Variants in SLCO3A1 observed in about 807,000 individuals in gnomAD.
SLCO3A1 encodes the protein solute carrier organic anion transporter family member 3A1, also known as PGE1 transporter.
Under a neutral mutation model 63.1 loss-of-function variants are expected in SLCO3A1, and 27 were observed. The observed-to-expected ratio is 0.43, with a 90% CI of 0.32 to 0.59. The LOEUF is 0.59. SLCO3A1 is among the 20% of genes least tolerant of loss of function. SLCO3A1 has a pLI of 0.09. For missense variants in SLCO3A1, 773 were observed against 945.8 expected (o/e 0.82, Z 2.40); for synonymous variants, 473 against 409.9 (o/e 1.15, Z -1.86).
chr15:91,869,560 C>T (rs1009545112), intron 1 of SLCO3A1, among the ~76,000 whole-genome samples: 45 of 151,014 alleles, frequency 3.0e-4, no homozygotes, highest in African/African-American at 1.0e-3. Flanking sequence ...GGGTGTGGTG[C>T]TGCATGCCAC....
intron 2 of SLCO3A1, among the ~76,000 whole-genome samples, chr15:91,995,522 C>T (rs929177939): frequency 5.3e-5 from 8 of 152,026 alleles, no homozygotes; most frequent in African/African-American, 1.4e-4. Flanking sequence ...TTAGTGATAA[C>T]TTTGGACTAA....
chr15:91,971,333 T>G lies in SLCO3A1; in HGVS notation c.646+54875T>G, dbSNP rs535135698. Reference sequence around the variant, plus strand: ...TGGGGTGAACCCGGGAGGCGGAGCTTGCAGTGAGCCGAGGTCGTGCCACTG... The same window carrying G: ...TGGGGTGAACCCGGGAGGCGGAGCTGGCAGTGAGCCGAGGTCGTGCCACTG... On this transcript the variant is annotated intron_variant, in intron 2 of 9. Transcript: ENST00000318445. Among the ~76,000 whole-genome samples, 4 of 133,552 alleles carry G rather than the reference T, an allele frequency of 3.0e-5. No individual in the cohort carries two copies. In the South Asian group the frequency reaches 9.8e-4, roughly 33 times the overall value. The allele number at this position is 133,552 out of a possible 152,430, so 87.6% of individuals were successfully genotyped here. A position where few individuals can be genotyped will look rare whatever the true frequency, so the allele number is the denominator to read the frequency against.
At chr15:92,014,975 C>T (rs897401708) in intron 2 of SLCO3A1, among the ~76,000 whole-genome samples, 4 of 152,114 alleles carry the variant, frequency 2.6e-5, no homozygotes, top group African/African-American at 4.8e-5. Context: ...TTTGCAGTCC[C>T]CCAAAAGGCT....
intron 2 of SLCO3A1, among the ~76,000 whole-genome samples, chr15:91,979,707 A>G (rs778959903): frequency 2.0e-5 from 3 of 152,262 alleles, no homozygotes; most frequent in Non-Finnish European, 4.4e-5. Context: ...CTCTAAAACC[A>G]GAGATAATAA....
Position 91,862,756 on chromosome 15 carries a change from A to C in SLCO3A1, c.180+8668A>C, listed in dbSNP as rs1897078395. 2.0e-5 allele frequency among the ~76,000 whole-genome samples: 3 copies of C among 152,228 alleles called. No individual in the cohort carries two copies. Among genetic ancestry groups the C allele is most frequent in the Non-Finnish European group, 4.4e-5 (3 of 68,038 alleles). On this transcript the variant is annotated intron_variant, in intron 1 of 9. Transcript: ENST00000318445. The surrounding 1 kb of genome is among the most constrained non-coding windows in gnomAD (Gnocchi z 4.0). ...CTGCTCACAAAACTACAGGAATTTG[A>C]GGGAGTTAGAAGTGATTATTTTTAC...
chr15:91,869,379 T>TA (rs1897239961), intron 1 of SLCO3A1, among the ~76,000 whole-genome samples: 4 of 151,652 alleles, frequency 2.6e-5, no homozygotes, highest in Admixed American at 6.6e-5. Context: ...GTACTAAAAA[T>TA]AAAAAAATTA....
intron 2 of SLCO3A1, among the ~76,000 whole-genome samples, chr15:92,029,497 A>G (rs2046619253): frequency 6.6e-6 from 1 of 152,242 alleles, no homozygotes; most frequent in Non-Finnish European, 1.5e-5. Flanking sequence ...GCCTGGGCAA[A>G]GACTCATGTG....
At chr15:92,121,170 A>T (rs891938728) in intron 5 of SLCO3A1, among the ~76,000 whole-genome samples, 1 of 152,244 alleles carries the variant, frequency 6.6e-6, no homozygotes. Context: ...TTCAGAGTTG[A>T]CATACTAAAG....
intron 5 of SLCO3A1, among the ~76,000 whole-genome samples, chr15:92,125,531 ACT>A (rs1002880112): frequency 1.8e-4 from 28 of 151,674 alleles, no homozygotes; most frequent in African/African-American, 6.8e-4. Flanking sequence ...TGGTTCAAAC[ACT>A]CTCTCTATGG....
chr15:91,971,752 T>C (rs78857622), intron 2 of SLCO3A1, among the ~76,000 whole-genome samples: 6,432 of 152,246 alleles, frequency 0.042, 316 homozygotes, highest in African/African-American at 0.11. Flanking sequence ...GATGAGTTGA[T>C]GAAAATGTTG....
intron 2 of SLCO3A1, among the ~76,000 whole-genome samples, chr15:92,046,285 C>T (rs963805816): frequency 1.3e-5 from 2 of 151,846 alleles, no homozygotes; most frequent in Non-Finnish European, 2.9e-5. Flanking sequence ...GAGGCCGAGA[C>T]GGATGGGTCA....
At position 91,854,426 on chromosome 15, in the gene SLCO3A1, T is replaced by C. The variant is rs1274352798; in HGVS notation, c.180+338T>C. On this transcript the variant is annotated intron_variant, in intron 1 of 9. Coordinates refer to ENST00000318445, the MANE Select transcript of SLCO3A1 (RefSeq NM_013272.4). The surrounding 1 kb of genome is among the most constrained non-coding windows in gnomAD (Gnocchi z 6.4). The stretch of plus-strand genomic sequence containing the variant: ...GAGCGAGACGGTGAGTTCAGGGTTC[T>C]CCTTGGAGAGGAACGAAAAAGCGTC... The C allele has an allele frequency of 2.0e-6, 2 of 1,008,540 alleles. No homozygotes were observed. Among genetic ancestry groups the C allele is most frequent in the South Asian group, 4.6e-5 (1 of 21,516 alleles). 62.5% of individuals were successfully genotyped at this position (1,008,540 alleles called of 1,614,324 possible). A position where few individuals can be genotyped will look rare whatever the true frequency, so the allele number is the denominator to read the frequency against.
chr15:92,088,110 G>A (rs2047428371), intron 2 of SLCO3A1, among the ~76,000 whole-genome samples: 1 of 152,132 alleles, frequency 6.6e-6, no homozygotes, highest in South Asian at 2.1e-4. Context: ...CCACCAACTG[G>A]CCAGGTGAGC....
At chr15:92,075,204 T>C (rs1412003445) in intron 2 of SLCO3A1, among the ~76,000 whole-genome samples, 1 of 152,210 alleles carries the variant, frequency 6.6e-6, no homozygotes, top group Non-Finnish European at 1.5e-5. Context: ...AACTTGGTGC[T>C]TAAGCTTTTA....
intron 3 of SLCO3A1, among the ~76,000 whole-genome samples, chr15:92,096,420 A>T (rs2047540015): frequency 6.6e-6 from 1 of 152,260 alleles, no homozygotes; most frequent in South Asian, 2.1e-4. Context: ...CCAGAATACC[A>T]GGCAGCAGGG....
At chr15:92,101,874 G>A (rs1344804432) in intron 3 of SLCO3A1, among the ~76,000 whole-genome samples, 1 of 152,092 alleles carries the variant, frequency 6.6e-6, no homozygotes, top group Non-Finnish European at 1.5e-5. Flanking sequence ...CTTTCAAACT[G>A]TGAGCCAGCG....
At chr15:91,988,253 C>T (rs1332247090) in intron 2 of SLCO3A1, among the ~76,000 whole-genome samples, 1 of 151,702 alleles carries the variant, frequency 6.6e-6, no homozygotes, top group Admixed American at 6.6e-5. Context: ...AAAAATAAGC[C>T]GGGCATGGTG....
rs1274621569 is a variant in SLCO3A1 at position 91,912,409 on chromosome 15, ACTT to A, written c.181-3582_181-3580del. Among the ~76,000 whole-genome samples the A allele has an allele frequency of 6.6e-6, 1 of 152,192 alleles. No homozygotes were observed. ...AGGTCAAGGAGGGAAAGACCGTACT[ACTT>A]CCTGTCACCCCTGTGCGTTGCTCTG... On this transcript the variant is annotated intron_variant, in intron 1 of 9. Coordinates refer to ENST00000318445, the MANE Select transcript of SLCO3A1 (RefSeq NM_013272.4). The surrounding 1 kb of genome is among the most constrained non-coding windows in gnomAD (Gnocchi z 5.0).
chr15:91,993,794 A>T (rs1755385880), intron 2 of SLCO3A1, among the ~76,000 whole-genome samples: 1 of 152,224 alleles, frequency 6.6e-6, no homozygotes, highest in Admixed American at 6.5e-5. Flanking sequence ...CCAAGGCTAG[A>T]TCGTAAAAGA....
Sources: allele counts gnomAD v4.1 joint callset (sites outside exome capture counted in the v4.1 genomes callset), GRCh38; gene constraint gnomAD v4.1.1; non-coding constraint Gnocchi (gnomAD v3.1); transcripts MANE v1.5; gene names NCBI Gene and HGNC (gene_info 2026-07-23, HGNC 2026-07-21).